Variants in ANKRD31 observed in about 807,000 individuals in gnomAD.
ANKRD31 encodes the protein ankyrin repeat domain-containing protein 31.
Under a neutral mutation model 186.0 loss-of-function variants are expected in ANKRD31, and 147 were observed. The observed-to-expected ratio is 0.79, with a 90% CI of 0.69 to 0.91. The LOEUF is 0.91. ANKRD31 is among the 40% of genes least tolerant of loss of function. The pLI is 0.00. For missense variants in ANKRD31, 1,986 were observed against 2,148.8 expected, an observed-to-expected ratio of 0.92 and a Z score of 1.50; for synonymous variants, 673 against 736.4, an observed-to-expected ratio of 0.91 and a Z score of 1.39.
In ANKRD31 at chr5:75,105,146, G is replaced by C. The variant is rs754464052; in HGVS notation, c.4413C>G (p.Ser1471Arg). Residue 1471 changes from serine (S) to arginine (R), a missense_variant, in exon 22 of 26, where the codon AGC becomes AGG. By Grantham distance (110) the Ser-to-Arg change is moderately radical. Transcript: ENST00000506364. Reference sequence around the variant, plus strand: ...TCTGTTTTTTTGCCACAACTAAAAGGCTCTTCTGTCTTGCAGCCAAGTTGG... The same window carrying C: ...TCTGTTTTTTTGCCACAACTAAAAGCCTCTTCTGTCTTGCAGCCAAGTTGG... ...QLANLAARQK[S>R]LLVVAKKQKK... 2.0e-6 allele frequency: 3 copies of C among 1,536,688 alleles called. No individual in the cohort carries two copies. The highest frequency in any genetic ancestry group is 2.6e-6 in the Non-Finnish European group (3 of 1,146,800).
intron 22 of ANKRD31, among the ~76,000 whole-genome samples, chr5:75,096,364 T>C (rs1046849855): frequency 1.3e-5 from 2 of 151,964 alleles, no homozygotes; most frequent in Non-Finnish European, 2.9e-5. Flanking sequence ...GGATCATTTG[T>C]TTTTTTTCTT....
chr5:75,146,918 T>C lies in ANKRD31; in HGVS notation c.2493A>G (p.Gln831=), dbSNP rs1465944827. 2 of 1,536,280 alleles carry C rather than the reference T, an allele frequency of 1.3e-6. No homozygotes were observed. Among genetic ancestry groups the C allele is most frequent in the Non-Finnish European group, 1.7e-6 (2 of 1,146,360 alleles). Residue 831 remains glutamine (Q), a synonymous_variant, in exon 14 of 26, where the codon CAA becomes CAG. Coordinates refer to ENST00000506364, the MANE Select transcript of ANKRD31 (RefSeq NM_001372053.1). ...GCCCTGGGAAAGAAACAGCTTCAGT[T>C]TGGTCAACAGATTCTAATTCCAAGC... is the stretch of plus-strand genomic sequence containing the variant. The part of the protein sequence containing the change: ...VQCLELESVD[Q]TEAVSFPGLL...
intron 22 of ANKRD31, among the ~76,000 whole-genome samples, chr5:75,093,841 C>G (rs1324774073): frequency 1.3e-5 from 2 of 152,056 alleles, no homozygotes; most frequent in Admixed American, 1.3e-4. Flanking sequence ...CCCAGATAAA[C>G]AAAAACTGAG....
chr5:75,206,767 AC>A (rs1240040616), intron 4 of ANKRD31, among the ~76,000 whole-genome samples: 2 of 152,176 alleles, frequency 1.3e-5, no homozygotes, highest in Non-Finnish European at 2.9e-5. Context: ...TTTGGAGGTG[AC>A]TGTTTGCCAA....
intron 23 of ANKRD31, among the ~76,000 whole-genome samples, chr5:75,087,694 AG>A (rs147812248): frequency 0.044 from 6,749 of 152,270 alleles, 353 homozygotes; most frequent in African/African-American, 0.12. Context: ...AAAAAACTGT[AG>A]GTTTTCTTTT....
intron 2 of ANKRD31, chr5:75,225,352 T>C (rs1399985685): frequency 2.0e-5 from 3 of 153,780 alleles, no homozygotes; most frequent in African/African-American, 7.2e-5. Flanking sequence ...AGTATCTCTT[T>C]TGTATACCAG....
intron 2 of ANKRD31, among the ~76,000 whole-genome samples, chr5:75,226,898 T>C (rs1269608804): frequency 6.6e-6 from 1 of 151,926 alleles, no homozygotes; most frequent in Non-Finnish European, 1.5e-5. Flanking sequence ...TACCATACAA[T>C]CCAGCAATCC....
chr5:75,217,446 T>C (rs1757027787), intron 3 of ANKRD31, among the ~76,000 whole-genome samples: 4 of 152,214 alleles, frequency 2.6e-5, no homozygotes, highest in Admixed American at 2.6e-4. Flanking sequence ...AGTCTTCTTG[T>C]TGAATGGAAC....
At chr5:75,225,202 G>A (rs1440579753) in intron 2 of ANKRD31, among the ~76,000 whole-genome samples, 3 of 151,938 alleles carry the variant, frequency 2.0e-5, no homozygotes, top group Non-Finnish European at 2.9e-5. Context: ...AGCAGGCAAA[G>A]GTATAAGTAT....
At chr5:75,175,206 A>G (rs905381828) in intron 10 of ANKRD31, among the ~76,000 whole-genome samples, 11 of 152,200 alleles carry the variant, frequency 7.2e-5, no homozygotes, top group African/African-American at 2.7e-4. Flanking sequence ...AGGGCGGGGA[A>G]CATCACACAC....
chr5:75,199,475 GAA>G (rs1755676221), intron 6 of ANKRD31, among the ~76,000 whole-genome samples, 154 bp downstream of exon 6: 1 of 152,162 alleles, frequency 6.6e-6, no homozygotes, highest in Admixed American at 6.5e-5. Context: ...GAATAAACAT[GAA>G]AGAGGTGATT....
chr5:75,166,034 T>C (rs939239916), intron 11 of ANKRD31, among the ~76,000 whole-genome samples: 9 of 152,212 alleles, frequency 5.9e-5, no homozygotes, highest in African/African-American at 1.9e-4. Context: ...TTTTAGAGGT[T>C]TGGGCTCAAG....
Position 75,104,299 on chromosome 5 carries a change from T to C in ANKRD31, c.5260A>G (p.Ile1754Val), listed in dbSNP as rs1417260002. 1.2e-5 allele frequency: 18 copies of C among 1,536,200 alleles called. No homozygotes were observed. Among genetic ancestry groups the C allele is most frequent in the East Asian group, 2.4e-5 (1 of 40,898 alleles). ...AGTAATATCAAATCTTTTATCTGAATACATTTCTTTTTAGGAGCTGTACTG... is the reference window on the plus strand; with the variant it reads ...AGTAATATCAAATCTTTTATCTGAACACATTTCTTTTTAGGAGCTGTACTG... ...NYSTAPKKKC[I>V]QIKDLILLGR... The change falls in exon 22 of 26, where the codon ATT (isoleucine) becomes GTT (valine). Residue 1754 changes from isoleucine to valine, a missense_variant. By Grantham distance (29) the Ile-to-Val change is conservative. Transcript: ENST00000506364.
intron 22 of ANKRD31, among the ~76,000 whole-genome samples, chr5:75,103,205 G>A (rs1024869870): frequency 6.6e-5 from 10 of 151,962 alleles, no homozygotes; most frequent in African/African-American, 2.4e-4. Flanking sequence ...GTTTTTGTCA[G>A]GTTTAAAGAA....
chr5:75,125,352 G>T (rs558426911), intron 17 of ANKRD31, among the ~76,000 whole-genome samples: 1 of 152,180 alleles, frequency 6.6e-6, no homozygotes, highest in Non-Finnish European at 1.5e-5. Context: ...GTTTTTAAAA[G>T]ATGGGGTCAG....
intron 25 of ANKRD31, among the ~76,000 whole-genome samples, chr5:75,073,071 C>A (rs1432805221): frequency 6.6e-6 from 1 of 152,134 alleles, no homozygotes; most frequent in Non-Finnish European, 1.5e-5. Flanking sequence ...TGGGAAAAAT[C>A]AGAGCAAGGT....
intron 4 of ANKRD31, among the ~76,000 whole-genome samples, chr5:75,210,482 T>G (rs1174658066): frequency 6.6e-6 from 1 of 152,146 alleles, no homozygotes; most frequent in Admixed American, 6.6e-5. Context: ...CCGAGTTTCT[T>G]AAGGTATAAT....
At chr5:75,174,860 G>A (rs571530331) in intron 10 of ANKRD31, among the ~76,000 whole-genome samples, 67 of 152,226 alleles carry the variant, frequency 4.4e-4, no homozygotes, top group African/African-American at 1.5e-3. Flanking sequence ...ACCATTTGAC[G>A]CAGCCATCCC....
chr5:75,146,751 T>G lies in ANKRD31; in HGVS notation c.2660A>C (p.Glu887Ala). The G allele has an allele frequency of 6.5e-7, 1 of 1,536,348 alleles. No individual in the cohort carries two copies. Among genetic ancestry groups the G allele is most frequent in the Non-Finnish European group, 8.7e-7 (1 of 1,146,324 alleles). Residue 887 changes from glutamate (E) to alanine (A), a missense_variant, in exon 14 of 26, where the codon GAA becomes GCA. Physicochemically the swap from Glu to Ala is moderately radical, Grantham distance 107 (BLOSUM62 -1). Transcript: ENST00000506364. ...VPKDERFNKWENSFLSFVKEN... is the reference protein window; with the variant it reads ...VPKDERFNKWANSFLSFVKEN... ...CTTTACAAAGGATAGGAAAGAATTT[T>G]CCCATTTGTTAAATCTCTCATCTTT...
Sources: allele counts gnomAD v4.1 joint callset (sites outside exome capture counted in the v4.1 genomes callset), GRCh38; gene constraint gnomAD v4.1.1; transcripts MANE v1.5; gene names NCBI Gene and HGNC (gene_info 2026-07-23, HGNC 2026-07-21).